Variants in TENM2 observed in about 807,000 individuals in gnomAD.
TENM2 encodes the protein teneurin transmembrane protein 2, also known as teneurin-2.
Under a neutral mutation model 245.2 loss-of-function variants are expected in TENM2, and 52 were observed. The observed-to-expected ratio is 0.21, with a 90% CI of 0.17 to 0.27. The LOEUF is 0.27. Ranked by LOEUF, TENM2 falls within the 10% of genes least tolerant of loss-of-function variation. The pLI is 1.00. For synonymous variants in TENM2, 1,363 were observed against 1,438.9 expected (o/e 0.95, Z 1.19); for missense variants, 3,046 against 3,666.8 (o/e 0.83, Z 4.37).
At position 167,673,795 on chromosome 5, in the gene TENM2, T is replaced by A. The variant is rs192056163; in HGVS notation, c.503-202191T>A. 6.6e-4 allele frequency among the ~76,000 whole-genome samples: 101 copies of A among 152,134 alleles called. 2 individuals are homozygous for A. The highest frequency in any genetic ancestry group is 5.9e-5 in the Non-Finnish European group (4 of 67,996). On this transcript the variant is annotated intron_variant, in intron 2 of 28. Transcript: ENST00000518659. ...TGAGTGTAGAACAATTCATATTATA[T>A]ACACCCTTCTATTGACCTGTCTATT...
chr5:167,833,423 A>C (rs1313464395), intron 2 of TENM2, among the ~76,000 whole-genome samples: 1 of 152,188 alleles, frequency 6.6e-6, no homozygotes, highest in Non-Finnish European at 1.5e-5. Flanking sequence ...AATCTTCCAG[A>C]GCAAAAGGAA....
At chr5:168,070,047 T>C (rs1008870656) in intron 7 of TENM2, among the ~76,000 whole-genome samples, 7 of 152,226 alleles carry the variant, frequency 4.6e-5, no homozygotes, top group Non-Finnish European at 8.8e-5. Flanking sequence ...AGAAATGCTC[T>C]TTTTGATTAT....
the TENM2 span, among the ~76,000 whole-genome samples, chr5:167,147,625 A>G: frequency 1.6e-3 from 251 of 152,318 alleles, 1 homozygote; most frequent in Non-Finnish European, 3.1e-3. Flanking sequence ...AATGTTTATT[A>G]TATATACATT....
At chr5:168,009,126 T>G (rs142247645) in intron 5 of TENM2, among the ~76,000 whole-genome samples, 26 of 152,324 alleles carry the variant, frequency 1.7e-4, no homozygotes, top group African/African-American at 6.0e-4. Flanking sequence ...GAATATACAT[T>G]AAGACTCAGC....
At chr5:168,238,216 AG>A (rs1198646385) in intron 25 of TENM2, among the ~76,000 whole-genome samples, 6 of 115,840 alleles carry the variant, frequency 5.2e-5, no homozygotes, top group African/African-American at 1.6e-4. Context: ...GGAGGGAGGG[AG>A]AGAGAAGAAA....
intron 2 of TENM2, among the ~76,000 whole-genome samples, chr5:167,427,040 C>A (rs1209590249): frequency 2.0e-5 from 3 of 151,486 alleles, no homozygotes; most frequent in African/African-American, 7.3e-5. Context: ...GGTCAGGATG[C>A]CTTCGTGTGT....
At chr5:168,058,410 T>C (rs1789746340) in intron 6 of TENM2, among the ~76,000 whole-genome samples, 1 of 152,174 alleles carries the variant, frequency 6.6e-6, no homozygotes, top group African/African-American at 2.4e-5. Context: ...GACAGAGACT[T>C]AGGAAGGCAT....
At chr5:167,400,178 A>C (rs1418758768) in intron 2 of TENM2, among the ~76,000 whole-genome samples, 1 of 152,130 alleles carries the variant, frequency 6.6e-6, no homozygotes, top group Admixed American at 6.6e-5. Flanking sequence ...CTACACTGAG[A>C]GAAGCAGGAC....
At chr5:167,653,854 T>C (rs1274353620) in intron 2 of TENM2, 1 of 151,552 alleles carries the variant, frequency 6.6e-6, no homozygotes, top group African/African-American at 2.4e-5. Flanking sequence ...TTTATTCCTG[T>C]TGAACTTGCA....
At chr5:167,449,964 A>C (rs79269909) in intron 2 of TENM2, among the ~76,000 whole-genome samples, 2,632 of 152,294 alleles carry the variant, frequency 0.017, 98 homozygotes, top group East Asian at 0.17. Context: ...GACTCAAAGA[A>C]AAAAGAAAAA....
chr5:167,218,039 A>G, the TENM2 span, among the ~76,000 whole-genome samples: 2 of 152,168 alleles, frequency 1.3e-5, no homozygotes. Flanking sequence ...GATGCTTTCC[A>G]TAATGAGCCC....
the TENM2 span, among the ~76,000 whole-genome samples, chr5:167,093,631 T>C: frequency 1.3e-5 from 2 of 152,204 alleles, no homozygotes; most frequent in Non-Finnish European, 2.9e-5. Flanking sequence ...CTTTCTGTCA[T>C]GTATAAACAG....
At chr5:167,523,229 A>G (rs1289824024) in intron 2 of TENM2, among the ~76,000 whole-genome samples, 1 of 152,134 alleles carries the variant, frequency 6.6e-6, no homozygotes, top group African/African-American at 2.4e-5. Context: ...ACAGGAGGTA[A>G]GATTTGCAGG....
intron 4 of TENM2, among the ~76,000 whole-genome samples, chr5:167,957,679 G>A: frequency 6.6e-6 from 1 of 152,070 alleles, no homozygotes; most frequent in Non-Finnish European, 1.5e-5. Context: ...TTGTGTCTTT[G>A]TTCTCATTGG....
chr5:168,049,737 A>G (rs1788915304), intron 6 of TENM2, among the ~76,000 whole-genome samples: 1 of 152,266 alleles, frequency 6.6e-6, no homozygotes. Flanking sequence ...TGTAGAAGTC[A>G]TATAACATTA....
chr5:167,783,513 C>T (rs560479117), intron 2 of TENM2, among the ~76,000 whole-genome samples: 34 of 152,148 alleles, frequency 2.2e-4, no homozygotes, highest in Non-Finnish European at 3.7e-4. Flanking sequence ...CCAGGAAACT[C>T]GTTAATGCAG....
At chr5:166,987,543 T>A in the TENM2 span, among the ~76,000 whole-genome samples, 1,706 of 145,652 alleles carry the variant, frequency 0.012, 16 homozygotes, top group African/African-American at 0.04. Flanking sequence ...TCTTTTTTTT[T>A]AATTGAGATA....
intron 4 of TENM2, among the ~76,000 whole-genome samples, chr5:167,975,045 G>T (rs1168712269): frequency 1.3e-5 from 2 of 152,206 alleles, no homozygotes; most frequent in Admixed American, 6.5e-5. Context: ...TTTAGGTTTT[G>T]TTTAATTCTG....
the TENM2 span, among the ~76,000 whole-genome samples, chr5:167,215,614 G>A: frequency 8.5e-5 from 13 of 152,218 alleles, no homozygotes; most frequent in Admixed American, 3.9e-4. Context: ...AAATAGTCTC[G>A]GAACTGAAAG....
Sources: allele counts gnomAD v4.1 joint callset (sites outside exome capture counted in the v4.1 genomes callset), GRCh38; gene constraint gnomAD v4.1.1; transcripts MANE v1.5; gene names NCBI Gene and HGNC (gene_info 2026-07-23, HGNC 2026-07-21).